Variants in SLC4A5 observed in about 807,000 individuals in gnomAD.
The protein encoded by SLC4A5 is electrogenic sodium bicarbonate cotransporter 4.
A neutral mutation model predicts 120.4 loss-of-function variants in SLC4A5; 96 were observed. The ratio of observed to expected loss-of-function variants is 0.80; its 90% CI spans 0.68 to 0.94. The LOEUF is 0.94. Among genes scored for constraint, SLC4A5 ranks in the 40% least tolerant of loss-of-function variants. The pLI is 0.00. For synonymous variants in SLC4A5, 550 were observed against 571.1 expected, an observed-to-expected ratio of 0.96 and a Z score of 0.53; for missense variants, 1,259 against 1,459.5, an observed-to-expected ratio of 0.86 and a Z score of 2.24.
rs148172886 is a variant in SLC4A5, at chr2:74,253,392, A to G, written c.1114-264T>C. Among the ~76,000 whole-genome samples, 243 of 152,292 alleles carry G rather than the reference A, an allele frequency of 1.6e-3. 2 individuals are homozygous for G. The highest frequency in any genetic ancestry group is 5.6e-3 in the African/African-American group (232 of 41,552). ...TTGTAGGACTTCGGTTAAGTTACTTAACCTTTCTGTTTTCAGTTTTCCACA... is the reference window on the plus strand; with the variant it reads ...TTGTAGGACTTCGGTTAAGTTACTTGACCTTTCTGTTTTCAGTTTTCCACA... On this transcript the variant is annotated intron_variant, in intron 14 of 30. Transcript: ENST00000394019.
At position 74,338,193 on chromosome 2, in the gene SLC4A5, G is replaced by A. The variant is rs1044855255; in HGVS notation, c.-221+662C>T. 5.3e-5 allele frequency among the ~76,000 whole-genome samples: 8 copies of A among 152,300 alleles called. No individual in the cohort carries two copies. The South Asian group carries it at 1.7e-3, about 32-fold the overall frequency. On this transcript the variant is annotated intron_variant, in intron 3 of 30. Transcript: ENST00000394019. ...CCAGGTTTTGACCATAGGCATAGGAGGGAGAAATGGAGGCAAATGGAGGCC... is the reference window on the plus strand; with the variant it reads ...CCAGGTTTTGACCATAGGCATAGGAAGGAGAAATGGAGGCAAATGGAGGCC...
intron 19 of SLC4A5, among the ~76,000 whole-genome samples, chr2:74,244,374 GT>G (rs1249806246): frequency 6.6e-6 from 1 of 151,452 alleles, no homozygotes; most frequent in African/African-American, 2.4e-5. Flanking sequence ...TTGTTTGTTC[GT>G]TCCTTCCTTC....
chr2:74,326,971 T>C (rs1238357971), intron 5 of SLC4A5, among the ~76,000 whole-genome samples: 1 of 152,196 alleles, frequency 6.6e-6, no homozygotes, highest in East Asian at 1.9e-4. Context: ...TCAGAGCCCT[T>C]GTGATAGAAT....
At chr2:74,262,417 A>C (rs1318534313) in intron 10 of SLC4A5, among the ~76,000 whole-genome samples, 185 bp from the exon 11 acceptor site, 2 of 148,904 alleles carry the variant, frequency 1.3e-5, no homozygotes, top group Admixed American at 6.7e-5. Context: ...ACAAGATTAC[A>C]GGCTGGGCAC....
chr2:74,225,510 C>T (rs1430468840), intron 27 of SLC4A5, among the ~76,000 whole-genome samples: 3 of 152,136 alleles, frequency 2.0e-5, no homozygotes, highest in African/African-American at 2.4e-5. Context: ...GCAGAAGAAT[C>T]GCTAGAAACC....
intron 7 of SLC4A5, among the ~76,000 whole-genome samples, chr2:74,288,245 G>C (rs903305245): frequency 7.9e-5 from 12 of 152,184 alleles, no homozygotes; most frequent in African/African-American, 2.9e-4. Flanking sequence ...AGTTGATGAT[G>C]GTGCCTTCTT....
intron 14 of SLC4A5, among the ~76,000 whole-genome samples, chr2:74,253,643 T>C (rs1670865018): frequency 6.6e-6 from 1 of 152,222 alleles, no homozygotes; most frequent in African/African-American, 2.4e-5. Flanking sequence ...AGCACTCATT[T>C]AATTTTACAT....
At chr2:74,252,277 G>A (rs756088190) in exon 16 of SLC4A5, 16 of 1,609,788 alleles carry the variant, frequency 9.9e-6, no homozygotes, top group Admixed American at 3.3e-5. Context: ...TGCCAGCCCC[G>A]CCGCCACTGC....
rs1694861678 is a variant in SLC4A5 at position 74,226,968 on chromosome 2, A to G, written c.3079T>C (p.Phe1027Leu). ...CGTGCCCACTTTACCATGACCGGGA[A>G]GATGATGGCAGCCACCGTGGATTTG... The change falls in exon 27 of 31, where the codon TTC (phenylalanine) becomes CTC (leucine). Residue 1027 changes from phenylalanine (F) to leucine (L), a missense_variant. Coordinates refer to ENST00000394019, the Ensembl canonical transcript of SLC4A5. 3 of 1,613,580 alleles carry G rather than the reference A, an allele frequency of 1.9e-6. No individual in the cohort carries two copies. Among genetic ancestry groups the G allele is most frequent in the South Asian group, 2.2e-5 (2 of 91,024 alleles).
intron 6 of SLC4A5, among the ~76,000 whole-genome samples, chr2:74,311,789 G>A (rs1228972062): frequency 4.6e-5 from 7 of 152,126 alleles, no homozygotes; most frequent in Admixed American, 3.9e-4. Context: ...ATTGTTGGAC[G>A]AAGTATTCTA....
At chr2:74,312,905 CTGAG>C (rs1208977160) in intron 6 of SLC4A5, among the ~76,000 whole-genome samples, 3 of 152,092 alleles carry the variant, frequency 2.0e-5, no homozygotes, top group African/African-American at 7.2e-5. Context: ...GCACTCCAGC[CTGAG>C]TGACAGAGCA....
At chr2:74,313,143 C>T (rs1451040418) in intron 6 of SLC4A5, among the ~76,000 whole-genome samples, 1 of 151,088 alleles carries the variant, frequency 6.6e-6, no homozygotes, top group Non-Finnish European at 1.5e-5. Context: ...CCTCTGTCTC[C>T]TGGGTAGCTT....
At chr2:74,258,739 G>T (rs774865142) in intron 12 of SLC4A5, among the ~76,000 whole-genome samples, 3 of 152,242 alleles carry the variant, frequency 2.0e-5, no homozygotes. Context: ...GCACAGTGTA[G>T]TGCATGTGGT....
chr2:74,305,854 A>G (rs1340997374), intron 6 of SLC4A5, among the ~76,000 whole-genome samples: 1 of 150,592 alleles, frequency 6.6e-6, no homozygotes, highest in Admixed American at 6.7e-5. Flanking sequence ...CCTCCCAAGT[A>G]GCTGGGATTA....
Position 74,238,520 on chromosome 2 carries a change from T to A in SLC4A5, c.2319+815A>T, listed in dbSNP as rs188224945. 1.1e-3 allele frequency among the ~76,000 whole-genome samples: 172 copies of A among 152,216 alleles called. 1 individual carries two copies. The highest frequency in any genetic ancestry group is 3.4e-3 in the Middle Eastern group (1 of 294). On this transcript the variant is annotated intron_variant, in intron 21 of 30. Transcript: ENST00000394019. ...GAAGACTGTGATACTGATATATAAA[T>A]AAACTAGTGAAACAGAATAAAGAAC...
chr2:74,287,250 G>A (rs1672013400), intron 7 of SLC4A5, among the ~76,000 whole-genome samples: 1 of 152,114 alleles, frequency 6.6e-6, no homozygotes, highest in South Asian at 2.1e-4. Flanking sequence ...GCCAGGCAAT[G>A]CCCAAACAAG....
Position 74,222,913 on chromosome 2 carries a change from C to A in SLC4A5, c.3286G>T (p.Glu1096Ter). The stretch of plus-strand genomic sequence containing the variant: ...TTTTGGGGATCTGATTGGACACTTT[C>A]CATGGGAATCTTTATAACCGAGGGA... Residue 1096 changes from glutamate (E) to a stop codon, truncating the protein, a stop_gained, in exon 29 of 31, where the codon GAA becomes TAA. Coordinates refer to ENST00000394019, the Ensembl canonical transcript of SLC4A5. LOFTEE classifies it high-confidence loss of function. The A allele has an allele frequency of 6.2e-7, 1 of 1,613,444 alleles. No homozygotes were observed. Among genetic ancestry groups the A allele is most frequent in the Non-Finnish European group, 8.5e-7 (1 of 1,179,696 alleles).
At chr2:74,341,845 G>A (rs1005750342) in intron 2 of SLC4A5, among the ~76,000 whole-genome samples, 2 of 152,190 alleles carry the variant, frequency 1.3e-5, no homozygotes, top group Non-Finnish European at 2.9e-5. Flanking sequence ...CTGGAGTAAG[G>A]AGAGGAAGGC....
intron 4 of SLC4A5, among the ~76,000 whole-genome samples, chr2:74,330,777 G>C (rs1216867082): frequency 1.3e-5 from 2 of 149,940 alleles, no homozygotes; most frequent in Non-Finnish European, 3.0e-5. Flanking sequence ...CTACATGGAG[G>C]TGGTGAGGTC....
Sources: allele counts gnomAD v4.1 joint callset (sites outside exome capture counted in the v4.1 genomes callset), GRCh38; gene constraint gnomAD v4.1.1; transcripts MANE v1.5; gene names NCBI Gene and HGNC (gene_info 2026-07-23, HGNC 2026-07-21).